SPRED1: variants seen among roughly 807,000 people sequenced by gnomAD.
SPRED1 encodes the protein sprouty related EVH1 domain containing 1.
Under a neutral mutation model 52.3 loss-of-function variants are expected in SPRED1, and 18 were observed. The ratio of observed to expected loss-of-function variants is 0.34; its 90% confidence interval spans 0.24 to 0.51. SPRED1 has a LOEUF of 0.51. SPRED1 is among the 20% of genes least tolerant of loss of function. The pLI is 0.97. For synonymous variants in SPRED1, 155 were observed against 179.7 expected (o/e 0.86, Z 1.10); for missense variants, 485 against 551.0 (o/e 0.88, Z 1.20).
At chr15:38,264,577 A>G (rs1225423053) in intron 1 of SPRED1, among the ~76,000 whole-genome samples, 6 of 152,162 alleles carry the variant, frequency 3.9e-5, no homozygotes, top group African/African-American at 1.2e-4. Flanking sequence ...TTTTTAAAAA[A>G]GAGTGAACAG....
At chr15:38,333,631 G>A (rs1318040401) in intron 4 of SPRED1, among the ~76,000 whole-genome samples, 4 of 151,940 alleles carry the variant, frequency 2.6e-5, no homozygotes, top group Admixed American at 2.6e-4. Context: ...ACCTAGTCTT[G>A]GTAAGAATAT....
chr15:38,275,943 C>T (rs952182708), intron 1 of SPRED1, among the ~76,000 whole-genome samples: 1 of 152,184 alleles, frequency 6.6e-6, no homozygotes, highest in Non-Finnish European at 1.5e-5. Flanking sequence ...CACTTACTCT[C>T]CTGTGGTACT....
intron 1 of SPRED1, among the ~76,000 whole-genome samples, chr15:38,275,686 C>G (rs865902767): frequency 2.6e-5 from 4 of 152,074 alleles, no homozygotes; most frequent in African/African-American, 9.7e-5. Flanking sequence ...TCAGTAGCGA[C>G]GGGGTTTCAC....
At chr15:38,343,607 A>G (rs1003105427) in intron 5 of SPRED1, among the ~76,000 whole-genome samples, 1 of 152,118 alleles carries the variant, frequency 6.6e-6, no homozygotes, top group Non-Finnish European at 1.5e-5. Context: ...GAGAGAACAA[A>G]AAAACTTCTA....
In SPRED1 at chr15:38,355,302, G is replaced by A. The variant is rs1888593305; in HGVS notation, c.*3638G>A. ...TGATGGGGTGGGGTTAAAATCTAAA[G>A]GGAAAAACTTGAAACTACCTATTTT... On this transcript the variant is annotated 3_prime_UTR_variant, in exon 7 of 7. Coordinates refer to ENST00000299084, the MANE Select transcript of SPRED1 (RefSeq NM_152594.3). 6.6e-6 allele frequency: 1 copy of A among 152,232 alleles called. No homozygotes were observed. The highest frequency in any genetic ancestry group is 1.5e-5 in the Non-Finnish European group (1 of 68,094). 9.4% of individuals were successfully genotyped at this position (152,232 alleles called of 1,614,324 possible). A position where few individuals can be genotyped will look rare whatever the true frequency, so the allele number is the denominator to read the frequency against.
At chr15:38,338,537 T>C (rs1037165499) in intron 4 of SPRED1, among the ~76,000 whole-genome samples, 1 of 152,068 alleles carries the variant, frequency 6.6e-6, no homozygotes, top group African/African-American at 2.4e-5. Flanking sequence ...GTTATGAAAA[T>C]TGGGTAAAAA....
At chr15:38,317,813 T>TTG (rs1895519112) in intron 2 of SPRED1, among the ~76,000 whole-genome samples, 1 of 151,362 alleles carries the variant, frequency 6.6e-6, no homozygotes. Flanking sequence ...TTTTTTTTTT[T>TTG]TAACAACTTT....
chr15:38,323,990 T>G (rs1400187503), intron 3 of SPRED1, among the ~76,000 whole-genome samples: 1 of 152,170 alleles, frequency 6.6e-6, no homozygotes, highest in Non-Finnish European at 1.5e-5. Flanking sequence ...TTGTTATTTT[T>G]GAACATTAAA....
chr15:38,347,573 G>T (rs62004366), intron 5 of SPRED1, among the ~76,000 whole-genome samples: 1 of 148,824 alleles, frequency 6.7e-6, no homozygotes, highest in Non-Finnish European at 1.5e-5. Flanking sequence ...TTTGAATTGC[G>T]CTGAATGTGT....
intron 2 of SPRED1, among the ~76,000 whole-genome samples, chr15:38,313,944 A>C (rs973852100): frequency 2.0e-5 from 3 of 151,802 alleles, no homozygotes; most frequent in Admixed American, 6.6e-5. Flanking sequence ...AGGGTTTTCT[A>C]ATTCTCATGC....
intron 2 of SPRED1, among the ~76,000 whole-genome samples, chr15:38,307,748 A>G (rs1895279591): frequency 1.3e-5 from 2 of 152,278 alleles, no homozygotes; most frequent in East Asian, 1.9e-4. Context: ...GAAGTTTAGT[A>G]TCTGCTAGTG....
chr15:38,291,907 C>T (rs1294646692), intron 1 of SPRED1, among the ~76,000 whole-genome samples: 2 of 152,186 alleles, frequency 1.3e-5, no homozygotes, highest in African/African-American at 4.8e-5. Flanking sequence ...ACATTAGGCT[C>T]CTTTCTACTT....
chr15:38,260,750 T>TGA (rs1194218769), intron 1 of SPRED1, among the ~76,000 whole-genome samples: 8 of 152,258 alleles, frequency 5.3e-5, no homozygotes, highest in East Asian at 3.9e-4. Flanking sequence ...AATATTGTTC[T>TGA]GAGAAAGGGG....
chr15:38,305,525 A>G (rs900727764), intron 2 of SPRED1, among the ~76,000 whole-genome samples: 4 of 152,036 alleles, frequency 2.6e-5, no homozygotes, highest in African/African-American at 7.2e-5. Flanking sequence ...AAATATTACA[A>G]TAAGTAAAAC....
chr15:38,319,947 T>G (rs1386481722), intron 2 of SPRED1, among the ~76,000 whole-genome samples: 1 of 152,220 alleles, frequency 6.6e-6, no homozygotes, highest in Non-Finnish European at 1.5e-5. Context: ...CAACATGCCA[T>G]CATTGCATAT....
In SPRED1 at chr15:38,339,885, A is replaced by G. The variant is rs1267180423; in HGVS notation, c.572A>G (p.Gln191Arg). 1 of 1,613,914 alleles carries G rather than the reference A, an allele frequency of 6.2e-7. No individual in the cohort carries two copies. Among genetic ancestry groups the G allele is most frequent in the Non-Finnish European group, 8.5e-7 (1 of 1,179,900 alleles). Residue 191 changes from glutamine (Q) to arginine (R), a missense_variant, in exon 5 of 7, where the codon CAA becomes CGA. Physicochemically the swap from Gln to Arg is conservative, Grantham distance 43. Transcript: ENST00000299084. ...GCCAGAAGAGTCTACATGCAAAGCCAAGCCAATCAGGTAAGAAGATAAAAT... is the reference window on the plus strand; with the variant it reads ...GCCAGAAGAGTCTACATGCAAAGCCGAGCCAATCAGGTAAGAAGATAAAAT... Reference protein sequence around the residue: ...LNARRVYMQSQANQITFGQPG... With the variant: ...LNARRVYMQSRANQITFGQPG...
In SPRED1 at chr15:38,339,783, T is replaced by A. The variant is rs747508368; in HGVS notation, c.470T>A (p.Phe157Tyr). The change falls in exon 5 of 7, where the codon TTT becomes TAT. Residue 157 changes from phenylalanine (F) to tyrosine (Y), a missense_variant. By Grantham distance (22) the Phe-to-Tyr change is conservative (BLOSUM62 3). Coordinates refer to ENST00000299084, the MANE Select transcript of SPRED1 (RefSeq NM_152594.3). ...SSSSLVKDHL[F>Y]QQETVVTSEP... is the part of the protein sequence containing the mutation. The stretch of plus-strand genomic sequence containing the variant: ...AGTTCTCTAGTGAAGGATCACCTTT[T>A]TCAGCAAGAGACAGTTGTTACCAGT... 6.2e-7 allele frequency: 1 copy of A among 1,613,960 alleles called. No individual in the cohort carries two copies. Among genetic ancestry groups the A allele is most frequent in the Non-Finnish European group, 8.5e-7 (1 of 1,179,930 alleles).
At chr15:38,330,276 T>C (rs908830556) in intron 4 of SPRED1, among the ~76,000 whole-genome samples, 2 of 152,170 alleles carry the variant, frequency 1.3e-5, no homozygotes, top group African/African-American at 4.8e-5. Context: ...TTTTTTATAT[T>C]CCTTCTATAT....
At chr15:38,316,799 G>A (rs1314473459) in intron 2 of SPRED1, among the ~76,000 whole-genome samples, 7 of 90,752 alleles carry the variant, frequency 7.7e-5, no homozygotes, top group Admixed American at 6.5e-4. Flanking sequence ...TCTAATCCCT[G>A]TGCATTTGTA....
Sources: allele counts gnomAD v4.1 joint callset (sites outside exome capture counted in the v4.1 genomes callset), GRCh38; gene constraint gnomAD v4.1.1; transcripts MANE v1.5; gene names NCBI Gene and HGNC (gene_info 2026-07-23, HGNC 2026-07-21).